The following CAMTA1 variants were observed in gnomAD, a reference collection of about 807,000 sequenced individuals.
The protein encoded by CAMTA1 is calmodulin-binding transcription activator 1.
Under a neutral mutation model 170.9 loss-of-function variants are expected in CAMTA1, and 27 were observed. The observed-to-expected ratio is 0.16, with a 90% CI of 0.12 to 0.22. The LOEUF is 0.22. Among genes scored for constraint, CAMTA1 ranks in the 10% least tolerant of loss-of-function variants. CAMTA1 has a pLI of 1.00. For missense variants in CAMTA1, 1,619 were observed against 2,217.2 expected (o/e 0.73, Z 5.42); for synonymous variants, 833 against 891.5 (o/e 0.93, Z 1.17).
intron 5 of CAMTA1, among the ~76,000 whole-genome samples, chr1:7,268,779 G>A (rs1464655382): frequency 6.6e-6 from 1 of 152,084 alleles, no homozygotes; most frequent in Non-Finnish European, 1.5e-5. Flanking sequence ...AACATATAAG[G>A]AAACAGGAAA....
intron 5 of CAMTA1, among the ~76,000 whole-genome samples, chr1:7,347,312 G>C (rs2084297038): frequency 6.6e-6 from 1 of 152,222 alleles, no homozygotes; most frequent in Non-Finnish European, 1.5e-5. Context: ...GGAGAGCCAA[G>C]CTCCGGAGAG....
rs115260019 is a variant in CAMTA1, at chr1:7,252,408, G to A, written c.438+2782G>A. On this transcript the variant is annotated intron_variant, in intron 5 of 22. Transcript: ENST00000303635. ...TGGACATGGATTTTTAAACAGCCCT[G>A]AAGAAGGCCTTTTCAGACAAGATCA... Among the ~76,000 whole-genome samples the A allele has an allele frequency of 7.8e-3, 1,195 of 152,346 alleles. 17 individuals are homozygous for A. Among genetic ancestry groups the A allele is most frequent in the African/African-American group, 0.028 (1,146 of 41,574 alleles).
At chr1:7,042,741 T>G (rs1031734603) in intron 3 of CAMTA1, among the ~76,000 whole-genome samples, 2 of 152,176 alleles carry the variant, frequency 1.3e-5, no homozygotes, top group Admixed American at 6.5e-5. Context: ...GCCAGTCTCC[T>G]CCCTTCAGTA....
intron 3 of CAMTA1, among the ~76,000 whole-genome samples, chr1:6,880,745 G>C (rs765658248): frequency 1.2e-4 from 18 of 152,092 alleles, no homozygotes; most frequent in Non-Finnish European, 2.2e-4. Context: ...GATCATGGGA[G>C]GGGAGTGGAG....
intron 3 of CAMTA1, among the ~76,000 whole-genome samples, chr1:7,019,701 C>T (rs771274007): frequency 4.6e-5 from 7 of 152,212 alleles, no homozygotes; most frequent in South Asian, 2.1e-4. Flanking sequence ...AAATGTTCAT[C>T]GAGATGGAAA....
intron 3 of CAMTA1, among the ~76,000 whole-genome samples, chr1:7,042,089 G>A (rs531536449): frequency 2.5e-4 from 38 of 152,248 alleles, no homozygotes; most frequent in African/African-American, 9.1e-4. Context: ...GCTAAGGTTT[G>A]TTCCAGGATA....
intron 6 of CAMTA1, among the ~76,000 whole-genome samples, chr1:7,611,166 G>C (rs1256828109): frequency 6.6e-6 from 1 of 152,200 alleles, no homozygotes; most frequent in Non-Finnish European, 1.5e-5. Context: ...TGCGGGCCTA[G>C]TCCATGCTCT....
chr1:7,142,990 A>C (rs1645975110), intron 4 of CAMTA1, among the ~76,000 whole-genome samples: 1 of 152,178 alleles, frequency 6.6e-6, no homozygotes, highest in Admixed American at 6.5e-5. Flanking sequence ...CAGTTTCTCC[A>C]GTCTAAGGTT....
At chr1:6,804,613 T>G (rs955662028) in intron 1 of CAMTA1, among the ~76,000 whole-genome samples, 1 of 152,238 alleles carries the variant, frequency 6.6e-6, no homozygotes, top group African/African-American at 2.4e-5. Flanking sequence ...GTGTTTGTCC[T>G]TTTGTGACTT....
At chr1:7,215,402 T>C (rs1372279674) in intron 4 of CAMTA1, among the ~76,000 whole-genome samples, 1 of 152,250 alleles carries the variant, frequency 6.6e-6, no homozygotes, top group Non-Finnish European at 1.5e-5. Context: ...TTTTTGTTTG[T>C]TTGTTTTCTG....
chr1:6,909,025 G>A (rs1353813722), intron 3 of CAMTA1, among the ~76,000 whole-genome samples: 3 of 152,230 alleles, frequency 2.0e-5, no homozygotes. Flanking sequence ...ACAAGCATCT[G>A]CATCATTTTA....
At chr1:7,189,812 T>C (rs1322492447) in intron 4 of CAMTA1, among the ~76,000 whole-genome samples, 2 of 152,218 alleles carry the variant, frequency 1.3e-5, no homozygotes, top group East Asian at 1.9e-4. Context: ...GAAGTCATTG[T>C]ACAAAAACTT....
At chr1:6,847,252 A>AT (rs758285378) in intron 3 of CAMTA1, among the ~76,000 whole-genome samples, 106 of 152,020 alleles carry the variant, frequency 7.0e-4, no homozygotes, top group Non-Finnish European at 9.1e-4. Context: ...TGAAGGATGG[A>AT]TTTTTTTTTT....
At chr1:7,104,113 T>C (rs879398882) in intron 4 of CAMTA1, among the ~76,000 whole-genome samples, 4 of 54,604 alleles carry the variant, frequency 7.3e-5, no homozygotes, top group East Asian at 4.7e-4. Context: ...TACACACATG[T>C]ACACACAACA....
At chr1:7,089,426 T>G (rs1263158116) in intron 3 of CAMTA1, among the ~76,000 whole-genome samples, 2 of 152,184 alleles carry the variant, frequency 1.3e-5, no homozygotes, top group East Asian at 3.8e-4. Flanking sequence ...AACTGCTGCA[T>G]TTTGCTGCTT....
rs574226031 is a variant in CAMTA1, at chr1:7,249,792, T to A, written c.438+166T>A. Among the ~76,000 whole-genome samples the A allele has an allele frequency of 6.6e-6, 1 of 152,370 alleles. No individual in the cohort carries two copies. The highest frequency in any genetic ancestry group is 2.4e-5 in the African/African-American group (1 of 41,596). ...GTTTCGTTTTTCTACCTTCTTACCC[T>A]ATAGTCTCCATTCAAGTTTTCAGTG... On this transcript the variant is annotated intron_variant, in intron 5 of 22. Coordinates refer to ENST00000303635, the MANE Select transcript of CAMTA1 (RefSeq NM_015215.4). The surrounding 1 kb of genome is among the most constrained non-coding windows in gnomAD (Gnocchi z 4.4).
chr1:7,216,579 C>T lies in CAMTA1; in HGVS notation c.303-32912C>T, dbSNP rs1045865156. ...AGGCTGCAGTGCAGTGTTGAGTTCT[C>T]GGCTCACTGCAATCCCCGCTTCCTG... On this transcript the variant is annotated intron_variant, in intron 4 of 22. Transcript: ENST00000303635. The surrounding 1 kb of genome is among the most constrained non-coding windows in gnomAD (Gnocchi z 4.0). Among the ~76,000 whole-genome samples the T allele has an allele frequency of 6.6e-6, 1 of 152,068 alleles. No homozygotes were observed. The highest frequency in any genetic ancestry group is 1.5e-5 in the Non-Finnish European group (1 of 68,018).
At chr1:6,805,632 A>G (rs992330983) in intron 1 of CAMTA1, among the ~76,000 whole-genome samples, 1 of 152,098 alleles carries the variant, frequency 6.6e-6, no homozygotes, top group African/African-American at 2.4e-5. Flanking sequence ...TAGTCTCCTG[A>G]GCAGCTGGGA....
rs140427658 is a variant in CAMTA1, at chr1:7,684,631, T to A, written c.2914+6898T>A. Among the ~76,000 whole-genome samples, 1,054 of 152,324 alleles carry A rather than the reference T, an allele frequency of 6.9e-3. 8 individuals carry two copies. The highest frequency in any genetic ancestry group is 0.034 in the Middle Eastern group (10 of 294). The stretch of plus-strand genomic sequence containing the variant: ...GTGTGTCTGTGTCCCTACTTTCTTT[T>A]AAGGACACCAGTCATTGGATTAAGG... On this transcript the variant is annotated intron_variant, in intron 11 of 22. Coordinates refer to ENST00000303635, the MANE Select transcript of CAMTA1 (RefSeq NM_015215.4).
Sources: allele counts gnomAD v4.1 joint callset (sites outside exome capture counted in the v4.1 genomes callset), GRCh38; gene constraint gnomAD v4.1.1; non-coding constraint Gnocchi (gnomAD v3.1); transcripts MANE v1.5; gene names NCBI Gene and HGNC (gene_info 2026-07-23, HGNC 2026-07-21).